TMEM87B: variants seen among roughly 807,000 people sequenced by gnomAD.
TMEM87B encodes the protein transmembrane protein 87B.
Under a neutral mutation model 80.3 loss-of-function variants are expected in TMEM87B, and 83 were observed. The observed-to-expected ratio is 1.03, with a 90% confidence interval of 0.87 to 1.24. The LOEUF (loss-of-function observed/expected upper bound fraction) is 1.24, where lower values mean the gene tolerates loss of function less well. TMEM87B is among the 50% of genes most tolerant of loss of function. The pLI is 0.00. For missense variants in TMEM87B, 625 were observed against 674.4 expected, an observed-to-expected ratio of 0.93 and a Z score of 0.81; for synonymous variants, 219 against 230.5, an observed-to-expected ratio of 0.95 and a Z score of 0.45.
At chr2:112,068,139 G>A (rs1175031469) in intron 4 of TMEM87B, among the ~76,000 whole-genome samples, 2 of 152,146 alleles carry the variant, frequency 1.3e-5, no homozygotes, top group Admixed American at 6.5e-5. Context: ...ACTTGAACCC[G>A]GGAGGCAGAG....
rs769091458 is a variant in TMEM87B, at chr2:112,055,690, G to T, written c.99G>T (p.Leu33=). The part of the protein sequence containing the change: ...APLLRVALCL[L]CWTPAAVRAV... Reference sequence around the variant, plus strand: ...TGCTGCGCGTCGCCCTCTGCCTCCTGTGCTGGACCCCGGCGGCTGTGCGCG... The same window carrying T: ...TGCTGCGCGTCGCCCTCTGCCTCCTTTGCTGGACCCCGGCGGCTGTGCGCG... Residue 33 remains leucine (L), a synonymous_variant, in exon 1 of 19, where the codon CTG becomes CTT. Transcript: ENST00000283206. 6.4e-7 allele frequency: 1 copy of T among 1,565,170 alleles called. No homozygotes were observed. Among genetic ancestry groups the T allele is most frequent in the Non-Finnish European group, 8.6e-7 (1 of 1,161,336 alleles).
chr2:112,066,977 T>C lies in TMEM87B; in HGVS notation c.360T>C (p.Phe120=). ...ATAAACTTAGTGTTGATGAAGACTT[T>C]TGTCATTATTTGAAGAATGACAACT... is the stretch of plus-strand genomic sequence containing the variant. The part of the protein sequence containing the change: ...QKHKLSVDED[F]CHYLKNDNCW... The change falls in exon 4 of 19, where the codon TTT becomes TTC. Residue 120 remains phenylalanine (F), a synonymous_variant. Coordinates refer to ENST00000283206, the MANE Select transcript of TMEM87B (RefSeq NM_032824.3). 6.2e-7 allele frequency: 1 copy of C among 1,611,804 alleles called. No individual in the cohort carries two copies. Among genetic ancestry groups the C allele is most frequent in the South Asian group, 1.1e-5 (1 of 90,292 alleles).
At chr2:112,100,057 TATC>T (rs1679588475) in intron 14 of TMEM87B, among the ~76,000 whole-genome samples, 1 of 152,224 alleles carries the variant, frequency 6.6e-6, no homozygotes, top group Non-Finnish European at 1.5e-5. Context: ...TTTTTGCTAT[TATC>T]AATAATGTTT....
chr2:112,071,282 A>G (rs1678623091), intron 4 of TMEM87B, among the ~76,000 whole-genome samples: 1 of 151,122 alleles, frequency 6.6e-6, no homozygotes, highest in Non-Finnish European at 1.5e-5. Flanking sequence ...GTTGGTGTAC[A>G]GGTATGCTAG....
At chr2:112,081,816 A>G (rs988116177) in intron 8 of TMEM87B, among the ~76,000 whole-genome samples, 6 of 152,230 alleles carry the variant, frequency 3.9e-5, no homozygotes, top group Non-Finnish European at 8.8e-5. Context: ...AGTTCGGGAC[A>G]GGGAGACTTC....
At chr2:112,061,164 T>C (rs1678248046) in intron 2 of TMEM87B, among the ~76,000 whole-genome samples, 1 of 152,226 alleles carries the variant, frequency 6.6e-6, no homozygotes, top group South Asian at 2.1e-4. Flanking sequence ...TCTGTGTCAA[T>C]ACTGAGATAC....
rs114613937 is a variant in TMEM87B, at chr2:112,063,063, A to G, written c.227-1099A>G. 5.6e-3 allele frequency among the ~76,000 whole-genome samples: 857 copies of G among 152,256 alleles called. 8 individuals are homozygous for G. The highest frequency in any genetic ancestry group is 0.02 in the African/African-American group (825 of 41,538). ...TTGTTGAACTTGAATCTCTGGTCTC[A>G]GTTTGGTTTCGCTCTTTGTCATTAT... On this transcript the variant is annotated intron_variant, in intron 2 of 18. Transcript: ENST00000283206.
At chr2:112,112,523 A>G (rs964138136) in intron 17 of TMEM87B, among the ~76,000 whole-genome samples, 1 of 152,178 alleles carries the variant, frequency 6.6e-6, no homozygotes. Flanking sequence ...CCCATTTCCT[A>G]TTTCCCTTTC....
At chr2:112,108,867 A>C (rs1679839792) in intron 17 of TMEM87B, among the ~76,000 whole-genome samples, 1 of 152,214 alleles carries the variant, frequency 6.6e-6, no homozygotes, top group Non-Finnish European at 1.5e-5. Context: ...TCTATGTTTA[A>C]CATTTTGAGG....
In TMEM87B at chr2:112,108,743, C is replaced by T. The variant is rs77352657; in HGVS notation, c.1577+903C>T. 9.9e-5 allele frequency among the ~76,000 whole-genome samples: 15 copies of T among 152,078 alleles called. No homozygotes were observed. The East Asian group carries it at 2.9e-3, about 29-fold the overall frequency. On this transcript the variant is annotated intron_variant, in intron 17 of 18. Transcript: ENST00000283206. The stretch of plus-strand genomic sequence containing the variant: ...GAATTGTCTGCCTTCAGGATTTTAA[C>T]TTTATCTTTAGTTTTCGTCATTATG...
intron 11 of TMEM87B, among the ~76,000 whole-genome samples, chr2:112,095,045 C>T (rs2104491320): frequency 6.6e-6 from 1 of 151,592 alleles, no homozygotes; most frequent in East Asian, 1.9e-4. Context: ...ATTCTAAAGT[C>T]ATAGGAAAAA....
At chr2:112,070,944 C>G (rs1558832463) in intron 4 of TMEM87B, among the ~76,000 whole-genome samples, 1 of 151,838 alleles carries the variant, frequency 6.6e-6, no homozygotes, top group South Asian at 2.1e-4. Flanking sequence ...GCCTCAGCCT[C>G]CCAAGTAGCT....
chr2:112,074,506 T>C (rs1481892202), intron 4 of TMEM87B, among the ~76,000 whole-genome samples: 1 of 152,170 alleles, frequency 6.6e-6, no homozygotes, highest in Non-Finnish European at 1.5e-5. Context: ...TTTTCTTCAT[T>C]TTGACCTTGG....
chr2:112,095,619 C>A, intron 11 of TMEM87B: 1 of 377,554 alleles, frequency 2.6e-6, no homozygotes, highest in Non-Finnish European at 3.6e-6. Context: ...TCATAGTAAC[C>A]TGAATTGGTT....
chr2:112,105,844 A>G (rs1679750758), intron 15 of TMEM87B, 158 bp from the exon 16 acceptor site: 2 of 466,334 alleles, frequency 4.3e-6, no homozygotes, highest in Admixed American at 4.1e-5. Flanking sequence ...TATTTTTCCT[A>G]CATTCCCAAA....
At position 112,067,086 on chromosome 2, in the gene TMEM87B, A is replaced by G. The variant is rs749001953; in HGVS notation, c.450+19A>G. 28 of 1,604,576 alleles carry G rather than the reference A, an allele frequency of 1.7e-5. No homozygotes were observed. Among genetic ancestry groups the G allele is most frequent in the Admixed American group, 3.5e-5 (2 of 57,326 alleles). ...TTTGAATGTGAGTATCTGACTTGCC[A>G]TGTTAAAGTTTATTTTATTCCCAGT... On this transcript the variant is annotated intron_variant, in intron 4 of 18. Coordinates refer to ENST00000283206, the MANE Select transcript of TMEM87B (RefSeq NM_032824.3).
At chr2:112,111,612 T>G (rs1360086628) in intron 17 of TMEM87B, among the ~76,000 whole-genome samples, 1 of 152,206 alleles carries the variant, frequency 6.6e-6, no homozygotes, top group African/African-American at 2.4e-5. Context: ...AGCCCAATAC[T>G]ATCCAAAATT....
chr2:112,109,492 C>T (rs1439336445), intron 17 of TMEM87B, among the ~76,000 whole-genome samples: 1 of 152,022 alleles, frequency 6.6e-6, no homozygotes, highest in Non-Finnish European at 1.5e-5. Flanking sequence ...TGTTTGAGCA[C>T]TTCCAACATG....
intron 8 of TMEM87B, among the ~76,000 whole-genome samples, chr2:112,084,163 G>A (rs1679077084): frequency 6.6e-6 from 1 of 152,188 alleles, no homozygotes; most frequent in Admixed American, 6.6e-5. Flanking sequence ...TTGCTGTACA[G>A]GCCACACTGT....
Sources: gnomAD v4.1 joint callset for allele counts (sites outside exome capture counted in the v4.1 genomes callset) on GRCh38, gnomAD v4.1.1 for gene constraint, MANE v1.5 for transcripts, NCBI Gene and HGNC (gene_info 2026-07-23, HGNC 2026-07-21) for gene names.